ATP2B2: variants seen among roughly 807,000 people sequenced by gnomAD.
The protein encoded by ATP2B2 is ATPase plasma membrane Ca2+ transporting 2.
In ATP2B2, 15 loss-of-function variants were observed where a neutral mutation model predicts 120.0. That is an observed-to-expected ratio of 0.12 (90% CI 0.08 to 0.19). The LOEUF (loss-of-function observed/expected upper bound fraction) is 0.19. ATP2B2 is among the 10% of genes least tolerant of loss of function. The pLI, the probability that ATP2B2 is intolerant of heterozygous loss-of-function variation, is 1.00. For missense variants in ATP2B2, 1,045 were observed against 1,719.8 expected, an observed-to-expected ratio of 0.61 and a Z score of 6.94; for synonymous variants, 694 against 700.3, an observed-to-expected ratio of 0.99 and a Z score of 0.14.
At chr3:10,605,924 C>T (rs2069052468) in intron 2 of ATP2B2, among the ~76,000 whole-genome samples, 1 of 152,170 alleles carries the variant, frequency 6.6e-6, no homozygotes, top group Non-Finnish European at 1.5e-5. Flanking sequence ...GCTGTGATTA[C>T]AGGCGTGAGC....
chr3:10,480,528 G>A (rs765544480), intron 1 of ATP2B2, among the ~76,000 whole-genome samples: 11 of 152,284 alleles, frequency 7.2e-5, no homozygotes, highest in African/African-American at 1.7e-4. Flanking sequence ...GAACTGCCCC[G>A]CGCCTATGTG....
chr3:10,459,616 G>A (rs1196504443), intron 1 of ATP2B2, among the ~76,000 whole-genome samples: 1 of 152,256 alleles, frequency 6.6e-6, no homozygotes, highest in African/African-American at 2.4e-5. Flanking sequence ...ACATGACACT[G>A]TCCTCTTCTG....
chr3:10,405,997 T>A (rs1430341861), intron 3 of ATP2B2, among the ~76,000 whole-genome samples: 1 of 152,148 alleles, frequency 6.6e-6, no homozygotes, highest in Non-Finnish European at 1.5e-5. Context: ...CTGAGCCAGG[T>A]AATCCTTCAT....
intron 2 of ATP2B2, among the ~76,000 whole-genome samples, chr3:10,559,194 G>A (rs530365592): frequency 6.6e-6 from 1 of 152,182 alleles, no homozygotes; most frequent in Non-Finnish European, 1.5e-5. Context: ...CTTTATTTAA[G>A]CTTGGAGTGA....
intron 2 of ATP2B2, among the ~76,000 whole-genome samples, chr3:10,418,564 C>T (rs950404719): frequency 6.6e-6 from 1 of 152,076 alleles, no homozygotes; most frequent in African/African-American, 2.4e-5. Context: ...TCCAGGTGAC[C>T]ACTGACCTCT....
upstream of ATP2B2, among the ~76,000 whole-genome samples, chr3:10,506,660 G>A (rs1223903715): frequency 6.6e-6 from 1 of 152,052 alleles, no homozygotes; most frequent in African/African-American, 2.4e-5. Context: ...GGGGTACCCT[G>A]CTTGGAGGGA....
chr3:10,643,120 C>T (rs962015506), intron 1 of ATP2B2, among the ~76,000 whole-genome samples: 9 of 152,138 alleles, frequency 5.9e-5, no homozygotes, highest in Non-Finnish European at 8.8e-5. Context: ...GTCACAAGGA[C>T]GCAAACGCCA....
Position 10,338,225 on chromosome 3 carries a change from C to T in ATP2B2, c.3371G>A (p.Arg1124Gln), listed in dbSNP as rs1267725418. The change falls in exon 22 of 23, where the codon CGG becomes CAG. Residue 1124 changes from arginine (R) to glutamine (Q), a missense_variant. This residue lies in a region of ATP2B2 where 211 missense variants were observed against 385.1 expected (regional missense o/e 0.55). Coordinates refer to ENST00000360273, the MANE Select transcript of ATP2B2 (RefSeq NM_001001331.4). ...EEIDHAEREL[R>Q]RGQILWFRGL... ...TCGGAACCACAGGATCTGGCCCCGCCGCAGCTCCCGCTCCGCGTGGTCGAT... is the reference window on the plus strand; with the variant it reads ...TCGGAACCACAGGATCTGGCCCCGCTGCAGCTCCCGCTCCGCGTGGTCGAT... The T allele has an allele frequency of 7.4e-6, 12 of 1,614,074 alleles. No individual in the cohort carries two copies. Among genetic ancestry groups the T allele is most frequent in the Admixed American group, 1.7e-5 (1 of 60,010 alleles).
chr3:10,432,694 G>A (rs2063356483), intron 2 of ATP2B2, among the ~76,000 whole-genome samples: 1 of 152,258 alleles, frequency 6.6e-6, no homozygotes, highest in African/African-American at 2.4e-5. Flanking sequence ...GGTGGCAGGG[G>A]CATGTCTTCA....
At chr3:10,443,098 G>A (rs565848570) in intron 2 of ATP2B2, among the ~76,000 whole-genome samples, 20 of 152,256 alleles carry the variant, frequency 1.3e-4, no homozygotes, top group African/African-American at 3.1e-4. Flanking sequence ...AATTACTAAC[G>A]GTGCCGTGGT....
At chr3:10,633,422 A>G (rs959990998) in intron 1 of ATP2B2, among the ~76,000 whole-genome samples, 1 of 152,112 alleles carries the variant, frequency 6.6e-6, no homozygotes, top group Non-Finnish European at 1.5e-5. Flanking sequence ...GTCTCACCCC[A>G]CTGGAGAACT....
At chr3:10,422,648 AGATGTGGCACACAACTGTG>A (rs1401615477) in intron 2 of ATP2B2, among the ~76,000 whole-genome samples, 4 of 152,234 alleles carry the variant, frequency 2.6e-5, no homozygotes, top group Non-Finnish European at 5.9e-5. Context: ...ATGCACACAC[AGATGTGGCACACAACTGTG>A]GATGTGGCAC....
At chr3:10,430,986 G>A (rs1287719067) in intron 2 of ATP2B2, among the ~76,000 whole-genome samples, 3 of 151,788 alleles carry the variant, frequency 2.0e-5, no homozygotes, top group Non-Finnish European at 4.4e-5. Context: ...TGAGGAAAGA[G>A]GTGGGAGAAG....
intron 2 of ATP2B2, among the ~76,000 whole-genome samples, chr3:10,539,655 G>T (rs2067390896): frequency 6.6e-6 from 1 of 152,144 alleles, no homozygotes; most frequent in African/African-American, 2.4e-5. Context: ...GGGAAAACTG[G>T]CTAGCCAAAT....
intron 3 of ATP2B2, among the ~76,000 whole-genome samples, chr3:10,525,740 G>A (rs1160672045): frequency 6.6e-6 from 1 of 151,964 alleles, no homozygotes; most frequent in Non-Finnish European, 1.5e-5. Flanking sequence ...AATCTGGGCG[G>A]TGGTTACACC....
intron 2 of ATP2B2, among the ~76,000 whole-genome samples, chr3:10,411,603 G>A (rs1338630500): frequency 6.6e-6 from 1 of 152,216 alleles, no homozygotes; most frequent in African/African-American, 2.4e-5. Flanking sequence ...TGCGGATGGT[G>A]ATTGTACTTA....
intron 1 of ATP2B2, among the ~76,000 whole-genome samples, chr3:10,700,375 C>A (rs114884105): frequency 0.011 from 1,699 of 152,206 alleles, 28 homozygotes; most frequent in African/African-American, 0.038. Flanking sequence ...TGATTTCCTG[C>A]GATATGTCCC....
At chr3:10,430,068 G>T (rs1252558823) in intron 2 of ATP2B2, among the ~76,000 whole-genome samples, 1 of 152,208 alleles carries the variant, frequency 6.6e-6, no homozygotes, top group Non-Finnish European at 1.5e-5. Flanking sequence ...CATTTCTGTA[G>T]CATGAAAGTG....
intron 2 of ATP2B2, among the ~76,000 whole-genome samples, chr3:10,438,859 C>T (rs771977674): frequency 9.9e-5 from 15 of 152,204 alleles, no homozygotes; most frequent in Non-Finnish European, 1.6e-4. Context: ...ACCCCTTAGG[C>T]CCGTGTGACA....
Sources: gnomAD v4.1 joint callset for allele counts (sites outside exome capture counted in the v4.1 genomes callset) on GRCh38, gnomAD v4.1.1 for gene constraint, gnomAD v4.1.1 regional missense constraint, MANE v1.5 for transcripts, NCBI Gene and HGNC (gene_info 2026-07-23, HGNC 2026-07-21) for gene names.